ASTN2: variants seen among roughly 807,000 people sequenced by gnomAD.
The protein encoded by ASTN2 is astrotactin-2.
ASTN2 carries 54 observed loss-of-function variants against 139.8 expected under a neutral mutation model. That is an observed-to-expected ratio of 0.39 (90% CI 0.31 to 0.48). ASTN2 has a LOEUF of 0.48. ASTN2 is among the 20% of genes least tolerant of loss of function. The pLI, the probability that ASTN2 is intolerant of heterozygous loss-of-function variation, is 0.95. For missense variants in ASTN2, 1,565 were observed against 1,725.1 expected, an observed-to-expected ratio of 0.91 and a Z score of 1.64; for synonymous variants, 756 against 719.5, an observed-to-expected ratio of 1.05 and a Z score of -0.81.
chr9:116,878,840 A>G (rs1306505904), intron 10 of ASTN2, among the ~76,000 whole-genome samples: 1 of 151,800 alleles, frequency 6.6e-6, no homozygotes, highest in East Asian at 1.9e-4. Flanking sequence ...ATTTATTCAT[A>G]AAGTACCCAC....
At chr9:116,433,787 G>A (rs1357471539) in intron 22 of ASTN2, among the ~76,000 whole-genome samples, 1 of 152,124 alleles carries the variant, frequency 6.6e-6, no homozygotes, top group East Asian at 1.9e-4. Flanking sequence ...CTCAGATACT[G>A]CCACTGGTTA....
At chr9:116,522,398 G>A (rs1183387087) in intron 19 of ASTN2, among the ~76,000 whole-genome samples, 1 of 152,126 alleles carries the variant, frequency 6.6e-6, no homozygotes, top group Non-Finnish European at 1.5e-5. Context: ...ATTATTCTAG[G>A]TGAAGTAACT....
At position 117,016,648 on chromosome 9, in the gene ASTN2, ATATATATAACC is replaced by A. The variant is rs1564386026; in HGVS notation, c.1424-8400_1424-8390del. Among the ~76,000 whole-genome samples the A allele has an allele frequency of 1.3e-4, 13 of 103,892 alleles. 1 individual carries two copies. Among genetic ancestry groups the A allele is most frequent in the African/African-American group, 5.4e-4 (13 of 24,130 alleles). 68.2% of individuals were successfully genotyped at this position (103,892 alleles called of 152,430 possible). On this transcript the variant is annotated intron_variant, in intron 6 of 22. Coordinates refer to ENST00000313400, the MANE Select transcript of ASTN2 (RefSeq NM_001365068.1). ...TCTATATATATATATATATATATATATATATATAACCTATATATATGTTACATATATATAGG... is the reference window on the plus strand; with the variant it reads ...TCTATATATATATATATATATATATATATATATATGTTACATATATATAGG...
At chr9:117,362,369 G>A (rs1003097145) in intron 1 of ASTN2, among the ~76,000 whole-genome samples, 2 of 143,692 alleles carry the variant, frequency 1.4e-5, no homozygotes, top group African/African-American at 4.9e-5. Flanking sequence ...CGTTGCCCCC[G>A]GAAAAAATCA....
intron 20 of ASTN2, among the ~76,000 whole-genome samples, chr9:116,477,640 G>A (rs1849025602): frequency 6.6e-6 from 1 of 151,768 alleles, no homozygotes; most frequent in Non-Finnish European, 1.5e-5. Flanking sequence ...AGCAAGAGAG[G>A]GACTGAGAAG....
intron 1 of ASTN2, among the ~76,000 whole-genome samples, chr9:117,392,215 T>C (rs1214104299): frequency 6.6e-6 from 1 of 152,180 alleles, no homozygotes; most frequent in East Asian, 1.9e-4. Flanking sequence ...TCAGAGTTGT[T>C]AGTAACTTAT....
chr9:116,801,623 A>G (rs1322498739), intron 13 of ASTN2, among the ~76,000 whole-genome samples: 1 of 149,654 alleles, frequency 6.7e-6, no homozygotes, highest in Non-Finnish European at 1.5e-5. Flanking sequence ...AGAAAGAAAG[A>G]AAAAGAAAGA....
At chr9:117,034,600 A>C (rs533393276) in intron 6 of ASTN2, among the ~76,000 whole-genome samples, 1 of 152,276 alleles carries the variant, frequency 6.6e-6, no homozygotes, top group East Asian at 1.9e-4. Context: ...ACAGCTCTCG[A>C]AGCCTTGATA....
At chr9:117,114,879 A>G (rs62562237) in intron 4 of ASTN2, among the ~76,000 whole-genome samples, 1 of 152,042 alleles carries the variant, frequency 6.6e-6, no homozygotes, top group Non-Finnish European at 1.5e-5. Flanking sequence ...TAGGCACACC[A>G]GTCAACATCC....
chr9:117,396,717 C>A (rs1257481856), intron 1 of ASTN2, among the ~76,000 whole-genome samples: 2 of 151,970 alleles, frequency 1.3e-5, no homozygotes, highest in Non-Finnish European at 2.9e-5. Context: ...AGGTATGCAC[C>A]ACCATGCCCA....
intron 22 of ASTN2, among the ~76,000 whole-genome samples, chr9:116,438,598 A>C (rs918131185): frequency 6.6e-6 from 1 of 152,234 alleles, no homozygotes; most frequent in Non-Finnish European, 1.5e-5. Context: ...TCATGTGTGC[A>C]AAAGTGGCTA....
chr9:117,159,696 T>C (rs765347346), intron 3 of ASTN2, among the ~76,000 whole-genome samples: 15 of 152,106 alleles, frequency 9.9e-5, no homozygotes, highest in Admixed American at 3.9e-4. Context: ...ATTTGTTTTT[T>C]ATTACCATTT....
intron 7 of ASTN2, among the ~76,000 whole-genome samples, chr9:116,983,720 G>T (rs1309450873): frequency 6.6e-6 from 1 of 152,186 alleles, no homozygotes; most frequent in Non-Finnish European, 1.5e-5. Flanking sequence ...GGGATGATGA[G>T]AGCCAGGACT....
At chr9:116,659,773 T>C (rs1029580497) in intron 16 of ASTN2, among the ~76,000 whole-genome samples, 1 of 152,162 alleles carries the variant, frequency 6.6e-6, no homozygotes, top group Admixed American at 6.5e-5. Flanking sequence ...AGAAATCCCA[T>C]CTAATTTTTC....
chr9:116,767,684 G>C (rs924555789), intron 13 of ASTN2, among the ~76,000 whole-genome samples: 8 of 152,164 alleles, frequency 5.3e-5, no homozygotes, highest in Admixed American at 4.6e-4. Flanking sequence ...TCACAGAACA[G>C]GGATATAACC....
chr9:117,203,846 G>A (rs765022837), intron 3 of ASTN2, among the ~76,000 whole-genome samples: 3 of 152,200 alleles, frequency 2.0e-5, no homozygotes, highest in Non-Finnish European at 4.4e-5. Flanking sequence ...ATGGCATGGA[G>A]AGAAGGGCTC....
intron 5 of ASTN2, among the ~76,000 whole-genome samples, chr9:117,091,452 G>T (rs564296469): frequency 1.1e-4 from 17 of 152,240 alleles, no homozygotes; most frequent in African/African-American, 3.9e-4. Context: ...AATTATAGTG[G>T]TGACCAAGTC....
intron 4 of ASTN2, among the ~76,000 whole-genome samples, chr9:117,130,558 G>C (rs1829803870): frequency 6.6e-6 from 1 of 152,010 alleles, no homozygotes; most frequent in South Asian, 2.1e-4. Context: ...CTTAAGCCCG[G>C]GGGGCTTCCT....
At chr9:117,413,826 A>G (rs1831243385) in intron 1 of ASTN2, among the ~76,000 whole-genome samples, 1 of 152,180 alleles carries the variant, frequency 6.6e-6, no homozygotes, top group African/African-American at 2.4e-5. Context: ...TAACGGGGGT[A>G]GAGGGAGGCT....
Sources: allele counts gnomAD v4.1 joint callset (sites outside exome capture counted in the v4.1 genomes callset), GRCh38; gene constraint gnomAD v4.1.1; transcripts MANE v1.5; gene names NCBI Gene and HGNC (gene_info 2026-07-23, HGNC 2026-07-21).